CNTN5: variants seen among roughly 807,000 people sequenced by gnomAD.
CNTN5 encodes contactin 5.
A neutral mutation model predicts 129.1 loss-of-function variants in CNTN5; 77 were observed. That is an observed-to-expected ratio of 0.60 (90% CI 0.50 to 0.72). The LOEUF (loss-of-function observed/expected upper bound fraction) is 0.72. Ranked by LOEUF, CNTN5 falls within the 30% of genes least tolerant of loss-of-function variation. The probability of loss-of-function intolerance (pLI) is 0.00; values close to 1 mark genes in which losing one functional copy is unlikely to be tolerated. For missense variants in CNTN5, 1,478 were observed against 1,328.8 expected (o/e 1.11, Z -1.75); for synonymous variants, 509 against 465.6 (o/e 1.09, Z -1.20).
chr11:100,031,019 A>T (rs1941681248), intron 9 of CNTN5, among the ~76,000 whole-genome samples: 1 of 152,148 alleles, frequency 6.6e-6, no homozygotes, highest in Admixed American at 6.5e-5. Context: ...CCATCTTAGT[A>T]CCATTGCTCC....
chr11:99,742,000 A>T (rs1943902831), intron 3 of CNTN5, among the ~76,000 whole-genome samples: 1 of 152,286 alleles, frequency 6.6e-6, no homozygotes, highest in South Asian at 2.1e-4. Context: ...AGTGAGGAAA[A>T]TCAGATTTTT....
chr11:99,955,248 G>T (rs1176337070), intron 7 of CNTN5, among the ~76,000 whole-genome samples: 1 of 151,438 alleles, frequency 6.6e-6, no homozygotes, highest in Non-Finnish European at 1.5e-5. Flanking sequence ...GATTCACATT[G>T]TTAAATGTGA....
At chr11:99,169,842 A>G (rs556969576) in intron 1 of CNTN5, among the ~76,000 whole-genome samples, 18 of 152,330 alleles carry the variant, frequency 1.2e-4, no homozygotes, top group African/African-American at 4.1e-4. Context: ...ATAAAATAAC[A>G]TGCAAAGACT....
At chr11:99,503,857 T>C (rs1162105884) in intron 2 of CNTN5, among the ~76,000 whole-genome samples, 1 of 152,156 alleles carries the variant, frequency 6.6e-6, no homozygotes, top group African/African-American at 2.4e-5. Context: ...CAAAATCCAT[T>C]TTAGTTAATA....
At chr11:99,315,934 C>A (rs555039307) in intron 1 of CNTN5, among the ~76,000 whole-genome samples, 1 of 149,966 alleles carries the variant, frequency 6.7e-6, no homozygotes, top group Non-Finnish European at 1.5e-5. Context: ...GATAGAATGA[C>A]GCAAATTATA....
intron 2 of CNTN5, among the ~76,000 whole-genome samples, chr11:99,540,480 A>C (rs150767177): frequency 2.6e-5 from 4 of 152,184 alleles, no homozygotes; most frequent in African/African-American, 9.6e-5. Flanking sequence ...AGACACACTC[A>C]TAATTGCTAT....
chr11:100,131,475 G>C (rs1946377634), intron 13 of CNTN5, among the ~76,000 whole-genome samples: 1 of 152,070 alleles, frequency 6.6e-6, no homozygotes, highest in South Asian at 2.1e-4. Flanking sequence ...TGTTAAGGTT[G>C]AGGTATTTGT....
chr11:99,714,904 A>T (rs1484341306), intron 3 of CNTN5, among the ~76,000 whole-genome samples: 1 of 150,450 alleles, frequency 6.6e-6, no homozygotes, highest in Non-Finnish European at 1.5e-5. Flanking sequence ...ATTTTTGGTA[A>T]TGTAAAGCAC....
At chr11:100,282,142 A>C (rs1338731001) in intron 18 of CNTN5, among the ~76,000 whole-genome samples, 2 of 151,618 alleles carry the variant, frequency 1.3e-5, no homozygotes, top group Admixed American at 6.6e-5. Flanking sequence ...GATGGTCTTG[A>C]TACTTGTGGA....
In CNTN5 at chr11:99,327,575, A is replaced by T. The variant is rs76070339; in HGVS notation, c.-71+2091A>T. ...CTCCTTCCAACTAATTGAAAAGCAT[A>T]TTGGTAGAATAGGAAGCAATTGAAG... On this transcript the variant is annotated intron_variant, in intron 2 of 24. Coordinates refer to ENST00000524871, the MANE Select transcript of CNTN5 (RefSeq NM_014361.4). Among the ~76,000 whole-genome samples, 26 of 152,300 alleles carry T rather than the reference A, an allele frequency of 1.7e-4. No homozygotes were observed. In the East Asian group the frequency reaches 4.6e-3, roughly 27 times the overall value.
intron 3 of CNTN5, among the ~76,000 whole-genome samples, chr11:99,789,924 C>A (rs984155529): frequency 2.0e-5 from 3 of 152,014 alleles, no homozygotes; most frequent in Non-Finnish European, 1.5e-5. Context: ...CTTTCTCTAT[C>A]TCCCTGCTTC....
At chr11:99,270,013 CT>C (rs1339294631) in intron 1 of CNTN5, among the ~76,000 whole-genome samples, 1 of 151,774 alleles carries the variant, frequency 6.6e-6, no homozygotes, top group African/African-American at 2.4e-5. Context: ...TTACATAAAA[CT>C]TGTTAGGATT....
chr11:99,795,736 T>A (rs1458713906), intron 3 of CNTN5, among the ~76,000 whole-genome samples: 1 of 152,156 alleles, frequency 6.6e-6, no homozygotes, highest in Non-Finnish European at 1.5e-5. Flanking sequence ...TGTCTTCATT[T>A]CTGGTAGATT....
At chr11:99,132,370 T>G (rs1858986579) in intron 1 of CNTN5, among the ~76,000 whole-genome samples, 2 of 152,150 alleles carry the variant, frequency 1.3e-5, no homozygotes, top group South Asian at 2.1e-4. Flanking sequence ...CTCTCACCAC[T>G]GTTATTCAAC....
At chr11:99,206,871 A>G (rs895970283) in intron 1 of CNTN5, among the ~76,000 whole-genome samples, 7 of 152,112 alleles carry the variant, frequency 4.6e-5, no homozygotes, top group African/African-American at 1.4e-4. Context: ...TCCGTATGTG[A>G]CAAATAAAGT....
At chr11:100,161,751 G>C (rs145224977) in intron 13 of CNTN5, among the ~76,000 whole-genome samples, 1 of 149,496 alleles carries the variant, frequency 6.7e-6, no homozygotes. Flanking sequence ...ATTAATTTTA[G>C]TAAAAGCAGA....
At chr11:99,063,820 C>T (rs1255575254) in intron 1 of CNTN5, among the ~76,000 whole-genome samples, 1 of 152,068 alleles carries the variant, frequency 6.6e-6, no homozygotes, top group Admixed American at 6.6e-5. Flanking sequence ...TTTCATATCT[C>T]TCTAGACCCC....
chr11:100,342,822 AT>A, intron 23 of CNTN5, among the ~76,000 whole-genome samples: 1 of 152,210 alleles, frequency 6.6e-6, no homozygotes, highest in Non-Finnish European at 1.5e-5. Context: ...TAACCTTGCC[AT>A]TTGTTGTTGC....
intron 1 of CNTN5, among the ~76,000 whole-genome samples, chr11:99,126,743 G>A (rs879482813): frequency 7.9e-5 from 12 of 152,016 alleles, no homozygotes; most frequent in East Asian, 1.9e-4. Flanking sequence ...CATTCCTGTC[G>A]GTTATTATCA....
Sources: allele counts gnomAD v4.1 joint callset (sites outside exome capture counted in the v4.1 genomes callset), GRCh38; gene constraint gnomAD v4.1.1; transcripts MANE v1.5; gene names NCBI Gene and HGNC (gene_info 2026-07-23, HGNC 2026-07-21).